HRG: variants seen among roughly 807,000 people sequenced by gnomAD.
The protein encoded by HRG is histidine rich glycoprotein, also known as histidine-rich glycoprotein.
HRG carries 26 observed loss-of-function variants against 29.5 expected under a neutral mutation model. That is an observed-to-expected ratio of 0.88 (90% CI 0.65 to 1.22). HRG has a LOEUF of 1.22. Ranked by LOEUF, HRG falls within the 50% of genes most tolerant of loss-of-function variation. The pLI, the probability that HRG is intolerant of heterozygous loss-of-function variation, is 0.00. For synonymous variants in HRG, 243 were observed against 240.4 expected, an observed-to-expected ratio of 1.01 and a Z score of -0.10; for missense variants, 671 against 654.5, an observed-to-expected ratio of 1.03 and a Z score of -0.28.
chr3:186,676,323 TG>T (rs1289940368), intron 6 of HRG, among the ~76,000 whole-genome samples: 1 of 152,056 alleles, frequency 6.6e-6, no homozygotes, highest in Non-Finnish European at 1.5e-5. Context: ...GGTCTACAGA[TG>T]GGTGCCAGGT....
intron 5 of HRG, chr3:186,673,690 G>A (rs1405284742): frequency 1.3e-5 from 2 of 152,134 alleles, no homozygotes; most frequent in Non-Finnish European, 2.9e-5. Flanking sequence ...TGACAAATGA[G>A]GAGGTAACTG....
At chr3:186,670,701 C>G (rs1439300729) in intron 3 of HRG, among the ~76,000 whole-genome samples, 1 of 152,112 alleles carries the variant, frequency 6.6e-6, no homozygotes, top group East Asian at 1.9e-4. Context: ...GCATATGCCA[C>G]CACATCCAAC....
rs1375132005 is a variant in HRG, at chr3:186,675,280, AGTGGGT to A, written c.741+94_741+99del. The A allele has an allele frequency of 1.0e-5, 6 of 573,044 alleles. No individual in the cohort carries two copies. In the East Asian group the frequency reaches 2.1e-4, roughly 21 times the overall value. The allele number at this position is 573,044 out of a possible 1,614,324, so 35.5% of individuals were successfully genotyped here. A position where few individuals can be genotyped will look rare whatever the true frequency, so the allele number is the denominator to read the frequency against. On this transcript the variant is annotated intron_variant, in intron 6 of 6. Coordinates refer to ENST00000232003, the MANE Select transcript of HRG (RefSeq NM_000412.5). The stretch of plus-strand genomic sequence containing the variant: ...TGTTGTTGCTTCCTAAAGCTCTATG[AGTGGGT>A]GTGTGTGTGTGTGTGTGTGTGTGAG...
Position 186,677,358 on chromosome 3 carries a change from C to G in HRG, c.1053C>G (p.Pro351=). Residue 351 remains proline (P), a synonymous_variant, in exon 7 of 7, where the codon CCC becomes CCG. Transcript: ENST00000232003. The stretch of plus-strand genomic sequence containing the variant: ...ATAATAATTCCAGTGACCTCCATCC[C>G]CATAAGCATCATTCCCATGAACAGC... ...SHNNNSSDLH[P]HKHHSHEQHP... 6.2e-7 allele frequency: 1 copy of G among 1,613,966 alleles called. No individual in the cohort carries two copies. The highest frequency in any genetic ancestry group is 8.5e-7 in the Non-Finnish European group (1 of 1,179,958).
chr3:186,673,161 T>C lies in HRG; in HGVS notation c.639+294T>C, dbSNP rs188519467. 158 of 431,632 alleles carry C rather than the reference T, an allele frequency of 3.7e-4. 1 individual carries two copies. In the East Asian group the frequency reaches 5.3e-3, roughly 15 times the overall value. The allele number at this position is 431,632 out of a possible 1,614,324, so 26.7% of individuals were successfully genotyped here. ...TCTTGTTGCCCAGGTTGGAGTGCAA[T>C]GGCACAGTGTCGGCTCACTGCAACC... On this transcript the variant is annotated intron_variant, in intron 5 of 6. Transcript: ENST00000232003.
At position 186,677,678 on chromosome 3, in the gene HRG, T is replaced by A. The variant is rs1719049638; in HGVS notation, c.1373T>A (p.Val458Glu). 1 of 1,613,390 alleles carries A rather than the reference T, an allele frequency of 6.2e-7. No individual in the cohort carries two copies. Among genetic ancestry groups the A allele is most frequent in the African/African-American group, 1.3e-5 (1 of 75,024 alleles). The change falls in exon 7 of 7, where the codon GTG becomes GAG. Residue 458 changes from valine to glutamate, a missense_variant. Physicochemically the swap from Val to Glu is moderately radical, Grantham distance 121. Coordinates refer to ENST00000232003, the MANE Select transcript of HRG (RefSeq NM_000412.5). The part of the protein sequence containing the change: ...RPFHCRQIGS[V>E]YRLPPLRKGE... ...TTCCATTGCAGACAAATTGGATCTG[T>A]GTACCGACTCCCTCCTCTAAGAAAA...
chr3:186,671,837 A>G (rs1391411933), intron 4 of HRG, 48 bp downstream of exon 4: 2 of 1,539,960 alleles, frequency 1.3e-6, no homozygotes, highest in South Asian at 2.2e-5. Flanking sequence ...CCAGGCTCCA[A>G]CCTGGCAGCA....
Position 186,677,300 on chromosome 3 carries a change from T to C in HRG, c.995T>C (p.Phe332Ser). 1 of 1,614,102 alleles carries C rather than the reference T, an allele frequency of 6.2e-7. No homozygotes were observed. The highest frequency in any genetic ancestry group is 8.5e-7 in the Non-Finnish European group (1 of 1,180,016). Residue 332 changes from phenylalanine to serine, a missense_variant, in exon 7 of 7, where the codon TTT (phenylalanine) becomes TCT (serine). By Grantham distance (155) the Phe-to-Ser change is radical. Coordinates refer to ENST00000232003, the MANE Select transcript of HRG (RefSeq NM_000412.5). ...TGCTCAAGTTGTCAACATGCCACTTTTGGCACAAATGGGGCCCAAAGACAT... is the reference window on the plus strand; with the variant it reads ...TGCTCAAGTTGTCAACATGCCACTTCTGGCACAAATGGGGCCCAAAGACAT... ...MSCSSCQHATFGTNGAQRHSH... is the reference protein window; with the variant it reads ...MSCSSCQHATSGTNGAQRHSH...
At chr3:186,669,715 A>G in intron 2 of HRG, 1 of 579,926 alleles carries the variant, frequency 1.7e-6, no homozygotes, top group Non-Finnish European at 3.1e-6. Flanking sequence ...GATGCTTTAA[A>G]TAGTTTCTCG....
At chr3:186,672,953 GGAA>G in intron 5 of HRG, 86 bp downstream of exon 5, 1 of 892,696 alleles carries the variant, frequency 1.1e-6, no homozygotes, top group South Asian at 1.3e-5. Context: ...GAGAAGGAGA[GGAA>G]GGAGAAGAAG....
chr3:186,670,033 G>A lies in HRG; in HGVS notation c.391+5G>A, dbSNP rs3733009. 181 of 1,436,810 alleles carry A rather than the reference G, an allele frequency of 1.3e-4. 1 individual carries two copies. In the East Asian group the frequency reaches 4.0e-3, roughly 32 times the overall value. The allele number at this position is 1,436,810 out of a possible 1,614,324, so 89.0% of individuals were successfully genotyped here. A position where few individuals can be genotyped will look rare whatever the true frequency, so the allele number is the denominator to read the frequency against. ...TTAACTGCACCACAAGTTCTGGTAT[G>A]GTAATCTGTTAAATTGCTAATTAAT... On this transcript the variant is annotated splice_donor_5th_base_variant and intron_variant, in intron 3 of 6. Coordinates refer to ENST00000232003, the MANE Select transcript of HRG (RefSeq NM_000412.5).
intron 5 of HRG, chr3:186,673,228 G>A (rs539997802): frequency 1.8e-4 from 62 of 345,316 alleles, no homozygotes; most frequent in African/African-American, 7.7e-4. Flanking sequence ...CTCAGCCTCC[G>A]GAGTAACTGG....
At chr3:186,676,903 A>T in intron 6 of HRG, 144 bp from the exon 7 acceptor site, 1 of 872,658 alleles carries the variant, frequency 1.1e-6, no homozygotes, top group Non-Finnish European at 1.8e-6. Context: ...GCTAGATAAC[A>T]ATTTGAGAAT....
At position 186,677,799 on chromosome 3, in the gene HRG, A is replaced by G. The variant is rs767918352; in HGVS notation, c.1494A>G (p.Gln498=). The change falls in exon 7 of 7, where the codon CAA becomes CAG. Residue 498 remains glutamine (Q), a synonymous_variant. Coordinates refer to ENST00000232003, the MANE Select transcript of HRG (RefSeq NM_000412.5). Reference sequence around the variant, plus strand: ...AGCCAGACAATCAGCCCTTTCCTCAATCAGTCTCTGAATCATGTCCAGGGA... The same window carrying G: ...AGCCAGACAATCAGCCCTTTCCTCAGTCAGTCTCTGAATCATGTCCAGGGA... The part of the protein sequence containing the change: ...PLKPDNQPFP[Q]SVSESCPGKF... The G allele has an allele frequency of 5.6e-6, 9 of 1,613,986 alleles. No individual in the cohort carries two copies. Among genetic ancestry groups the G allele is most frequent in the Admixed American group, 5.0e-5 (3 of 60,008 alleles).
chr3:186,673,612 T>A (rs141442639), intron 5 of HRG: 2 of 152,876 alleles, frequency 1.3e-5, no homozygotes, highest in African/African-American at 4.8e-5. Context: ...ACTATAGCAG[T>A]TCGTACTAAG....
Position 186,677,185 on chromosome 3 carries a change from G to A in HRG, c.880G>A (p.Glu294Lys), listed in dbSNP as rs140336956. The change falls in exon 7 of 7, where the codon GAA becomes AAA. Residue 294 changes from glutamate to lysine, a missense_variant. Glu to Lys is a moderately conservative substitution (Grantham distance 56, BLOSUM62 1). Coordinates refer to ENST00000232003, the MANE Select transcript of HRG (RefSeq NM_000412.5). ...TCATCATCATCCCCACAAGCCACACGAACATGGACCCCCACCTCCTCCAGA... is the reference window on the plus strand; with the variant it reads ...TCATCATCATCCCCACAAGCCACACAAACATGGACCCCCACCTCCTCCAGA... ...RDHHHPHKPHEHGPPPPPDER... is the reference protein window; with the variant it reads ...RDHHHPHKPHKHGPPPPPDER... The A allele has an allele frequency of 3.7e-6, 6 of 1,613,828 alleles. No individual in the cohort carries two copies. The highest frequency in any genetic ancestry group is 1.1e-5 in the South Asian group (1 of 91,072).
intron 5 of HRG, 169 bp downstream of exon 5, chr3:186,673,036 TATC>T: frequency 1.5e-6 from 1 of 686,408 alleles, no homozygotes; most frequent in South Asian, 1.6e-5. Flanking sequence ...AAATACAAAG[TATC>T]ATCTGGGAAG....
At chr3:186,671,396 A>T (rs1302333416) in intron 3 of HRG, among the ~76,000 whole-genome samples, 6 of 151,666 alleles carry the variant, frequency 4.0e-5, no homozygotes, top group Non-Finnish European at 8.8e-5. Context: ...TGGTGAAGGC[A>T]TCATGAGTAG....
intron 6 of HRG, 137 bp downstream of exon 6, chr3:186,675,327 G>GAGAC (rs1553785565): frequency 2.7e-5 from 18 of 676,698 alleles, no homozygotes; most frequent in Admixed American, 1.8e-4. Context: ...GAGAGAGAGA[G>GAGAC]AGAGACAGAG....
Sources: allele counts gnomAD v4.1 joint callset (sites outside exome capture counted in the v4.1 genomes callset), GRCh38; gene constraint gnomAD v4.1.1; transcripts MANE v1.5; gene names NCBI Gene and HGNC (gene_info 2026-07-23, HGNC 2026-07-21).